Variants in CDKN2B-AS1 observed in about 807,000 individuals in gnomAD.
The protein encoded by CDKN2B-AS1 is CDKN2B and CDKN2A antisense cis and trans regulatory RNA 1.
intron 4 of CDKN2B-AS1, among the ~76,000 whole-genome samples, chr9:22,115,064 CA>C (rs1249689975): frequency 6.6e-6 from 1 of 152,108 alleles, no homozygotes; most frequent in Non-Finnish European, 1.5e-5. Context: ...CCCCCATCTT[CA>C]ATGAGCACCA....
Position 22,060,293 on chromosome 9 carries a change from C to T in CDKN2B-AS1, n.438+3906C>T, listed in dbSNP as rs779346545. 5.3e-5 allele frequency among the ~76,000 whole-genome samples: 8 copies of T among 152,170 alleles called. No individual in the cohort carries two copies. The East Asian group carries it at 7.7e-4, about 15-fold the overall frequency. ...TGCTTTGCTGCTTAGAAATTTCTTC[C>T]GCCAAATACCCTAAATCATCTCTCT... On this transcript the variant is annotated intron_variant and non_coding_transcript_variant, in intron 4 of 4. Transcript: ENST00000650946.
At chr9:22,009,285 C>T (rs953539894) in intron 1 of CDKN2B-AS1, 15 of 483,310 alleles carry the variant, frequency 3.1e-5, no homozygotes, top group South Asian at 2.5e-4. Flanking sequence ...TCCTCACTGC[C>T]CCGCCTCGCT....
intron 4 of CDKN2B-AS1, chr9:22,058,331 T>G (rs1823660705): frequency 6.6e-6 from 1 of 152,230 alleles, no homozygotes; most frequent in Admixed American, 6.5e-5. Flanking sequence ...TTTATTTACT[T>G]TTTTCCCTTA....
chr9:22,017,825 A>AGT (rs1453503929), intron 1 of CDKN2B-AS1, among the ~76,000 whole-genome samples: 1 of 152,218 alleles, frequency 6.6e-6, no homozygotes, highest in African/African-American at 2.4e-5. Flanking sequence ...GAGGTGTTGC[A>AGT]TTAGTAACCA....
chr9:22,013,237 A>C (rs1453473527), intron 1 of CDKN2B-AS1, among the ~76,000 whole-genome samples: 8 of 152,212 alleles, frequency 5.3e-5, no homozygotes. Context: ...AAATACGGTC[A>C]AATTGTGAGG....
At chr9:22,079,577 G>A (rs1309849919) in intron 4 of CDKN2B-AS1, among the ~76,000 whole-genome samples, 1 of 152,000 alleles carries the variant, frequency 6.6e-6, no homozygotes, top group Non-Finnish European at 1.5e-5. Context: ...CCTGGGTGAG[G>A]GAACAACTTG....
intron 1 of CDKN2B-AS1, among the ~76,000 whole-genome samples, chr9:22,027,535 G>A (rs759394630): frequency 1.3e-5 from 2 of 152,032 alleles, no homozygotes; most frequent in Non-Finnish European, 2.9e-5. Context: ...AACAATATTA[G>A]TATTAGAAAA....
chr9:22,054,531 T>C (rs1237349972), intron 3 of CDKN2B-AS1, among the ~76,000 whole-genome samples: 1 of 152,088 alleles, frequency 6.6e-6, no homozygotes, highest in African/African-American at 2.4e-5. Flanking sequence ...AGAGATTTAT[T>C]CTTATTTTTA....
At chr9:22,097,708 C>G (rs927261417) in intron 4 of CDKN2B-AS1, among the ~76,000 whole-genome samples, 2 of 152,102 alleles carry the variant, frequency 1.3e-5, no homozygotes, top group African/African-American at 4.8e-5. Context: ...GAAAACATGC[C>G]ATTCATGTGA....
Position 21,999,138 on chromosome 9 carries a change from A to G in CDKN2B-AS1, n.29+3977A>G, listed in dbSNP as rs1187049809. On this transcript the variant is annotated intron_variant and non_coding_transcript_variant, in intron 1 of 4. Coordinates refer to ENST00000650946, the Ensembl canonical transcript of CDKN2B-AS1. The surrounding 1 kb of genome is among the most constrained non-coding windows in gnomAD (Gnocchi z 4.7). ...ACTTTGACAAAGTTGTCAGGAAACAATCACTCTTACTATTACAACTTGGTG... is the reference window on the plus strand; with the variant it reads ...ACTTTGACAAAGTTGTCAGGAAACAGTCACTCTTACTATTACAACTTGGTG... Among the ~76,000 whole-genome samples the G allele has an allele frequency of 3.9e-5, 6 of 152,090 alleles. No individual in the cohort carries two copies. The East Asian group carries it at 1.2e-3, about 29-fold the overall frequency.
intron 4 of CDKN2B-AS1, among the ~76,000 whole-genome samples, chr9:22,098,462 A>G (rs370030040): frequency 6.6e-6 from 1 of 151,824 alleles, no homozygotes; most frequent in African/African-American, 2.4e-5. Flanking sequence ...ACAACACGAT[A>G]TGTATCACCT....
chr9:22,029,284 A>C (rs1345070752), intron 1 of CDKN2B-AS1: 2 of 600,780 alleles, frequency 3.3e-6, no homozygotes, highest in Non-Finnish European at 6.0e-6. Context: ...TTTGAGAGAG[A>C]GAAAGCTATT....
At chr9:22,126,688 T>C (rs1216248403) in intron 4 of CDKN2B-AS1, among the ~76,000 whole-genome samples, 1 of 147,416 alleles carries the variant, frequency 6.8e-6, no homozygotes, top group Non-Finnish European at 1.5e-5. Context: ...TTCTCCTGCC[T>C]CAGCCTCCCG....
chr9:22,026,283 T>C (rs1822235672), intron 1 of CDKN2B-AS1, among the ~76,000 whole-genome samples: 1 of 151,752 alleles, frequency 6.6e-6, no homozygotes, highest in African/African-American at 2.4e-5. Flanking sequence ...CTCTGTCAGC[T>C]GGAGAACACT....
intron 4 of CDKN2B-AS1, among the ~76,000 whole-genome samples, chr9:22,110,031 G>C (rs1256158432): frequency 2.0e-4 from 31 of 152,082 alleles, no homozygotes; most frequent in Admixed American, 2.0e-3. Flanking sequence ...CTGAATGTTA[G>C]CTTCTTTAGC....
chr9:22,071,842 A>G (rs538816092), intron 4 of CDKN2B-AS1, among the ~76,000 whole-genome samples: 4 of 152,270 alleles, frequency 2.6e-5, no homozygotes, highest in African/African-American at 9.6e-5. Flanking sequence ...AGTCAGTATT[A>G]CTTACTTACT....
chr9:22,021,699 A>G (rs1242564721), intron 1 of CDKN2B-AS1, among the ~76,000 whole-genome samples: 1 of 152,080 alleles, frequency 6.6e-6, no homozygotes, highest in African/African-American at 2.4e-5. Flanking sequence ...GGGCTGAGAC[A>G]ATGGGGTCTT....
chr9:22,083,201 T>G (rs531439415), intron 4 of CDKN2B-AS1, among the ~76,000 whole-genome samples: 1 of 152,334 alleles, frequency 6.6e-6, no homozygotes, highest in African/African-American at 2.4e-5. Flanking sequence ...AGAGATGAAC[T>G]AACTTGCTCA....
chr9:22,047,222 T>C (rs905201099), intron 2 of CDKN2B-AS1, among the ~76,000 whole-genome samples: 2 of 152,162 alleles, frequency 1.3e-5, no homozygotes, highest in Non-Finnish European at 2.9e-5. Flanking sequence ...CTGTACCCAA[T>C]AGCTTTTCCC....
Sources: gnomAD v4.1 joint callset for allele counts (sites outside exome capture counted in the v4.1 genomes callset) on GRCh38, gnomAD v4.1.1 for gene constraint, Gnocchi (gnomAD v3.1) non-coding constraint, MANE v1.5 for transcripts, NCBI Gene and HGNC (gene_info 2026-07-23, HGNC 2026-07-21) for gene names.